TAF1: variants seen among roughly 807,000 people sequenced by gnomAD.
The protein encoded by TAF1 is TATA-box binding protein associated factor 1.
A neutral mutation model predicts 138.5 loss-of-function variants in TAF1; 2 were observed. That is an observed-to-expected ratio of 0.01 (90% CI 0.01 to 0.05). The LOEUF is 0.05. Among genes scored for constraint, TAF1 ranks in the 10% least tolerant of loss-of-function variants. TAF1 has a pLI of 1.00. For synonymous variants in TAF1, 437 were observed against 503.2 expected (o/e 0.87, Z 1.76); for missense variants, 709 against 1,478.0 (o/e 0.48, Z 8.53).
At chrX:71,449,074 C>T (rs972335202) in intron 32 of TAF1, among the ~76,000 whole-genome samples, 13 of 111,111 alleles carry the variant, frequency 1.2e-4, no homozygotes, top group Non-Finnish European at 2.5e-4. Flanking sequence ...CTCACCGCAA[C>T]CTCTGCCTCC....
chrX:71,398,769 G>A, intron 24 of TAF1, 32 bp downstream of exon 24: 9 of 1,159,307 alleles, frequency 7.8e-6, no homozygotes, highest in East Asian at 3.0e-5. Context: ...TACAGCTAAC[G>A]GAGCAAAGGA....
At chrX:71,419,999 T>G in intron 28 of TAF1, 1 of 278,302 alleles carries the variant, frequency 3.6e-6, no homozygotes. Context: ...ATCTTCTGTT[T>G]TTTGTTTGTA....
chrX:71,518,192 C>T (rs769339336), intron 13 of TAF1, among the ~76,000 whole-genome samples: 23 of 108,572 alleles, frequency 2.1e-4, no homozygotes, highest in South Asian at 1.2e-3. Flanking sequence ...GTTTTTGAGA[C>T]GGAGTCTTGC....
intron 22 of TAF1, among the ~76,000 whole-genome samples, chrX:71,395,391 G>A (rs2034792793): frequency 9.0e-6 from 1 of 111,155 alleles, no homozygotes; most frequent in South Asian, 3.7e-4. Flanking sequence ...TATAATTCCA[G>A]CTACTCGGGA....
At chrX:71,510,960 G>A (rs906266742) in intron 13 of TAF1, among the ~76,000 whole-genome samples, 10 of 111,026 alleles carry the variant, frequency 9.0e-5, no homozygotes, top group East Asian at 2.8e-4. Context: ...AAAATTAGCC[G>A]GGCGTGGTGG....
At chrX:71,408,879 T>A (rs2035616114) in intron 28 of TAF1, among the ~76,000 whole-genome samples, 1 of 109,810 alleles carries the variant, frequency 9.1e-6, no homozygotes, top group African/African-American at 3.3e-5. Context: ...CTGGGCGTAG[T>A]GGCGGGCGCC....
intron 32 of TAF1, among the ~76,000 whole-genome samples, chrX:71,452,999 G>A (rs963965769): frequency 7.2e-5 from 8 of 111,360 alleles, no homozygotes; most frequent in Non-Finnish European, 1.5e-4. Flanking sequence ...GCAGTGAGCC[G>A]AGATGGCAGC....
chrX:71,420,033 TC>T, intron 28 of TAF1: 2 of 303,628 alleles, frequency 6.6e-6, no homozygotes, highest in Non-Finnish European at 1.2e-5. Context: ...TTTTTTTTTT[TC>T]CCCTTCTGTC....
At position 71,392,735 on chromosome X, in the gene TAF1, T is replaced by A. The variant is rs199556174; in HGVS notation, c.2931+17T>A. On this transcript the variant is annotated intron_variant, in intron 19 of 37. Transcript: ENST00000423759. ...CAGCAGAAGGTGAGATTGTGTTTAT[T>A]TCTAGAATGAAAAAGTCAAGGGAGA... The A allele has an allele frequency of 2.5e-6, 3 of 1,188,472 alleles. No individual in the cohort carries two copies. The African/African-American group carries it at 5.3e-5, about 21-fold the overall frequency.
At chrX:71,368,221 A>G in intron 3 of TAF1, 51 bp downstream of exon 3, 3 of 1,149,232 alleles carry the variant, frequency 2.6e-6, no homozygotes, top group Non-Finnish European at 2.4e-6. Flanking sequence ...ATCCTGCTGT[A>G]TAGTCCAGTT....
downstream of TAF1, chrX:71,466,013 T>G (rs1248095016): frequency 9.0e-6 from 1 of 111,627 alleles, no homozygotes; most frequent in African/African-American, 3.3e-5. Context: ...CCAGCAGTAG[T>G]GTGGAGAATG....
At chrX:71,528,447 C>T (rs1375695148) in intron 13 of TAF1, 1 of 267,813 alleles carries the variant, frequency 3.7e-6, no homozygotes, top group Non-Finnish European at 7.1e-6. Flanking sequence ...CACAGAAGTT[C>T]CTTTAGATTC....
chrX:71,444,964 G>A (rs907883874), intron 32 of TAF1, among the ~76,000 whole-genome samples: 4 of 109,624 alleles, frequency 3.6e-5, no homozygotes, highest in Non-Finnish European at 3.8e-5. Flanking sequence ...TCCTGACCTC[G>A]TGATCTGCCC....
chrX:71,469,132 G>A (rs1375291042), downstream of TAF1, among the ~76,000 whole-genome samples: 1 of 111,741 alleles, frequency 8.9e-6, no homozygotes, highest in Non-Finnish European at 1.9e-5. Context: ...GCAAGACCTT[G>A]TCTCTACTAA....
At chrX:71,404,640 A>G (rs2035360650) in intron 25 of TAF1, among the ~76,000 whole-genome samples, 1 of 111,870 alleles carries the variant, frequency 8.9e-6, no homozygotes, top group South Asian at 3.6e-4. Flanking sequence ...CTCAGCTGGT[A>G]TACATATATT....
chrX:71,468,559 G>A (rs1017162307), downstream of TAF1, among the ~76,000 whole-genome samples: 20 of 107,448 alleles, frequency 1.9e-4, no homozygotes, highest in South Asian at 4.1e-4. Flanking sequence ...GGTGGCAGGC[G>A]CCTGTAATCC....
intron 24 of TAF1, among the ~76,000 whole-genome samples, chrX:71,399,495 A>C (rs747662038): frequency 9.6e-6 from 1 of 103,783 alleles, no homozygotes; most frequent in Non-Finnish European, 2.0e-5. Flanking sequence ...TGACCTGGTG[A>C]TCTACCAGCC....
At chrX:71,379,104 G>GTT in intron 8 of TAF1, 73 bp downstream of exon 8, 45 of 372,050 alleles carry the variant, frequency 1.2e-4, no homozygotes, top group Middle Eastern at 7.7e-4. Context: ...GCTCAGCTGT[G>GTT]ATTTTTTTTT....
At chrX:71,413,979 CAG>C (rs2035926146) in intron 28 of TAF1, 1 of 110,302 alleles carries the variant, frequency 9.1e-6, no homozygotes, top group African/African-American at 3.3e-5. Flanking sequence ...TTGTCAAAGA[CAG>C]TGGGGGGATA....
Sources: gnomAD v4.1 joint callset for allele counts (sites outside exome capture counted in the v4.1 genomes callset) on GRCh38, gnomAD v4.1.1 for gene constraint, MANE v1.5 for transcripts, NCBI Gene and HGNC (gene_info 2026-07-23, HGNC 2026-07-21) for gene names.